The following ABCA4 variants were observed in gnomAD, a reference collection of about 807,000 sequenced individuals.
The protein encoded by ABCA4 is retinal-specific phospholipid-transporting ATPase ABCA4.
A neutral mutation model predicts 263.7 loss-of-function variants in ABCA4; 196 were observed. The observed-to-expected ratio is 0.74, with a 90% CI of 0.66 to 0.84. The LOEUF (loss-of-function observed/expected upper bound fraction) is 0.84. Among genes scored for constraint, ABCA4 ranks in the 40% least tolerant of loss-of-function variants. The pLI is 0.00. For missense variants in ABCA4, 2,792 were observed against 2,855.1 expected (o/e 0.98, Z 0.50); for synonymous variants, 1,133 against 1,094.2 (o/e 1.04, Z -0.70).
At chr1:94,034,900 A>G (rs11590944) in intron 26 of ABCA4, among the ~76,000 whole-genome samples, 344 of 152,330 alleles carry the variant, frequency 2.3e-3, no homozygotes, top group Non-Finnish European at 2.2e-3. Flanking sequence ...TAAGTCGGCA[A>G]GCATTAACTC....
chr1:94,049,400 C>T (rs545826535), intron 17 of ABCA4, among the ~76,000 whole-genome samples: 60 of 152,178 alleles, frequency 3.9e-4, no homozygotes, highest in Non-Finnish European at 6.6e-4. Context: ...CCAATGTAGG[C>T]GTATCATGAG....
chr1:94,057,798 A>G (rs1022478273), intron 14 of ABCA4, among the ~76,000 whole-genome samples: 1 of 152,248 alleles, frequency 6.6e-6, no homozygotes, highest in East Asian at 1.9e-4. Flanking sequence ...TGAGATTGTC[A>G]AAGGTATTAG....
chr1:94,077,248 A>G (rs1661560017), intron 11 of ABCA4, among the ~76,000 whole-genome samples: 1 of 152,198 alleles, frequency 6.6e-6, no homozygotes, highest in South Asian at 2.1e-4. Context: ...TAGGAGAAGG[A>G]TATGTTCTAT....
intron 15 of ABCA4, 91 bp from the exon 16 acceptor site, chr1:94,055,406 CAAA>C: frequency 7.9e-7 from 1 of 1,267,900 alleles, no homozygotes; most frequent in Non-Finnish European, 1.1e-6. Flanking sequence ...AGGGGAGGGC[CAAA>C]AGAGGGTCCC....
chr1:94,094,983 C>CTGAAA (rs1045285390), intron 6 of ABCA4, among the ~76,000 whole-genome samples: 1 of 152,240 alleles, frequency 6.6e-6, no homozygotes, highest in African/African-American at 2.4e-5. Flanking sequence ...AGACAAGCTC[C>CTGAAA]TTCAGGTGAA....
Position 94,008,298 on chromosome 1 carries a change from C to G in ABCA4, c.5836-1G>C. On this transcript the variant is annotated splice_acceptor_variant, in intron 41 of 49. Transcript: ENST00000370225. LOFTEE classifies it high-confidence loss of function. ...CTGGGCTGGAGGTGCCTGGATAAAT[C>G]TGCAAGATACGAAGAAACCGGACTG... 1 of 1,614,060 alleles carries G rather than the reference C, an allele frequency of 6.2e-7. No individual in the cohort carries two copies. The highest frequency in any genetic ancestry group is 8.5e-7 in the Non-Finnish European group (1 of 1,179,954).
At chr1:94,115,093 G>A (rs1479749314) in intron 1 of ABCA4, among the ~76,000 whole-genome samples, 1 of 152,218 alleles carries the variant, frequency 6.6e-6, no homozygotes, top group East Asian at 1.9e-4. Context: ...ATGTACATTG[G>A]TGTCTTGTCT....
In ABCA4 at chr1:94,116,990, CTTTCTTTCTTTCTTTCT is replaced by C. The variant is rs766443272; in HGVS notation, c.67-3941_67-3925del. Among the ~76,000 whole-genome samples the C allele has an allele frequency of 8.1e-3, 925 of 113,724 alleles. 11 individuals carry two copies. The highest frequency in any genetic ancestry group is 0.027 in the African/African-American group (844 of 30,774). 74.6% of individuals were successfully genotyped at this position (113,724 alleles called of 152,430 possible). ...TTTCTCTTTCTTTCTTTCTTTCTTT[CTTTCTTTCTTTCTTTCT>C]TTCTTTCTTTCTTTCTTTCCTTTTC... On this transcript the variant is annotated intron_variant, in intron 1 of 49. Coordinates refer to ENST00000370225, the MANE Select transcript of ABCA4 (RefSeq NM_000350.3).
At chr1:94,029,105 C>A (rs1005316798) in intron 30 of ABCA4, among the ~76,000 whole-genome samples, 2 of 105,056 alleles carry the variant, frequency 1.9e-5, no homozygotes, top group East Asian at 2.1e-4. Context: ...TATATCCAAG[C>A]GATGATTTTT....
At chr1:94,079,799 G>GC (rs1007499823) in intron 8 of ABCA4, among the ~76,000 whole-genome samples, 1 of 152,100 alleles carries the variant, frequency 6.6e-6, no homozygotes, top group African/African-American at 2.4e-5. Flanking sequence ...GCCAAACAAG[G>GC]CCCCCGCTTG....
intron 6 of ABCA4, among the ~76,000 whole-genome samples, chr1:94,096,110 T>C (rs1662119806): frequency 6.6e-6 from 1 of 152,218 alleles, no homozygotes; most frequent in African/African-American, 2.4e-5. Context: ...TTATTATGCG[T>C]GGTCTATAGA....
intron 3 of ABCA4, among the ~76,000 whole-genome samples, chr1:94,109,792 C>T (rs1458872916): frequency 2.0e-5 from 3 of 152,170 alleles, no homozygotes; most frequent in South Asian, 4.1e-4. Flanking sequence ...CATAGATTTC[C>T]TTCTGGGGTT....
chr1:94,051,983 A>C (rs185824549), intron 16 of ABCA4, among the ~76,000 whole-genome samples: 91 of 152,346 alleles, frequency 6.0e-4, no homozygotes, highest in Non-Finnish European at 1.0e-3. Flanking sequence ...GAATTAAATC[A>C]AGTCCTTTTC....
Position 94,080,524 on chromosome 1 carries a change from A to T in ABCA4, c.1053T>A (p.Ile351=), listed in dbSNP as rs776161139. The T allele has an allele frequency of 6.2e-7, 1 of 1,614,168 alleles. No homozygotes were observed. Among genetic ancestry groups the T allele is most frequent in the Non-Finnish European group, 8.5e-7 (1 of 1,180,026 alleles). ...EDNNYKAFLG[I]DSTRKDPIYS... ...AGATAGGATCCTTCCTTGTGGAGTC[A>T]ATCCCCAGAAAGGCCTTATAGTTAT... The change falls in exon 8 of 50, where the codon ATT becomes ATA. Residue 351 remains isoleucine (I), a synonymous_variant. Coordinates refer to ENST00000370225, the MANE Select transcript of ABCA4 (RefSeq NM_000350.3).
intron 24 of ABCA4, among the ~76,000 whole-genome samples, chr1:94,038,278 G>A (rs1660396811): frequency 1.3e-5 from 2 of 152,162 alleles, no homozygotes; most frequent in African/African-American, 4.8e-5. Context: ...GTACAAATGT[G>A]TATTACTTTA....
rs138937487 is a variant in ABCA4, at chr1:94,019,563, G to T, written c.5196+19C>A. The stretch of plus-strand genomic sequence containing the variant: ...TTGGGCCCACGGAGGGGAGGGAGGC[G>T]CTGTAAACTGACACTTACGATGTCC... On this transcript the variant is annotated intron_variant, in intron 36 of 49. Transcript: ENST00000370225. The T allele has an allele frequency of 6.9e-6, 11 of 1,586,502 alleles. No individual in the cohort carries two copies. The highest frequency in any genetic ancestry group is 2.7e-5 in the African/African-American group (2 of 74,228).
At chr1:94,118,060 G>C (rs1338988183) in intron 1 of ABCA4, among the ~76,000 whole-genome samples, 1 of 152,124 alleles carries the variant, frequency 6.6e-6, no homozygotes, top group Admixed American at 6.5e-5. Flanking sequence ...GTGGTGTAAC[G>C]GCCATGCCTG....
intron 6 of ABCA4, among the ~76,000 whole-genome samples, chr1:94,086,567 G>A (rs943197906): frequency 3.1e-4 from 47 of 151,568 alleles, no homozygotes; most frequent in African/African-American, 1.1e-3. Context: ...TTAAGACAAC[G>A]AAGTAGTAGC....
chr1:94,080,377 A>G, intron 8 of ABCA4, 101 bp downstream of exon 8: 1 of 1,532,872 alleles, frequency 6.5e-7, no homozygotes, highest in Non-Finnish European at 9.0e-7. Flanking sequence ...TCAGCAAGAC[A>G]AGACAGATGC....
Sources: allele counts gnomAD v4.1 joint callset (sites outside exome capture counted in the v4.1 genomes callset), GRCh38; gene constraint gnomAD v4.1.1; transcripts MANE v1.5; gene names NCBI Gene and HGNC (gene_info 2026-07-23, HGNC 2026-07-21).